Variants in NALCN observed in about 807,000 individuals in gnomAD.
NALCN encodes the protein sodium leak channel NALCN.
In NALCN, 111 loss-of-function variants were observed where a neutral mutation model predicts 225.3. That is an observed-to-expected ratio of 0.49 (90% CI 0.42 to 0.58). The LOEUF (loss-of-function observed/expected upper bound fraction) is 0.58. Ranked by LOEUF, NALCN falls within the 20% of genes least tolerant of loss-of-function variation. The probability of loss-of-function intolerance (pLI) is 0.00; values close to 1 mark genes in which losing one functional copy is unlikely to be tolerated. For synonymous variants in NALCN, 764 were observed against 769.0 expected (o/e 0.99, Z 0.11); for missense variants, 1,378 against 2,202.4 (o/e 0.63, Z 7.49).
intron 3 of NALCN, among the ~76,000 whole-genome samples, chr13:101,386,801 G>A (rs2046999448): frequency 6.6e-6 from 1 of 152,070 alleles, no homozygotes; most frequent in Non-Finnish European, 1.5e-5. Flanking sequence ...CCATAACATT[G>A]CCAAAATTGG....
intron 4 of NALCN, among the ~76,000 whole-genome samples, chr13:101,377,317 C>T (rs543505398): frequency 1.3e-5 from 2 of 152,224 alleles, no homozygotes; most frequent in South Asian, 4.1e-4. Flanking sequence ...TTTTTAGTTA[C>T]AAGAAGTGCC....
chr13:101,226,909 C>A (rs2041165394), intron 13 of NALCN, among the ~76,000 whole-genome samples: 1 of 152,188 alleles, frequency 6.6e-6, no homozygotes, highest in African/African-American at 2.4e-5. Flanking sequence ...TCTCCTATCC[C>A]TTCCTTCCTT....
At chr13:101,313,005 C>G (rs1276783462) in intron 7 of NALCN, among the ~76,000 whole-genome samples, 1 of 152,116 alleles carries the variant, frequency 6.6e-6, no homozygotes, top group Non-Finnish European at 1.5e-5. Flanking sequence ...TGGAACAGAA[C>G]AGAGCCCTCA....
chr13:101,189,990 G>T (rs548970364), intron 14 of NALCN, among the ~76,000 whole-genome samples: 1 of 152,112 alleles, frequency 6.6e-6, no homozygotes, highest in East Asian at 1.9e-4. Context: ...GATTTAGATT[G>T]CCCAAGAAGG....
chr13:101,411,096 T>C (rs148770448), intron 1 of NALCN, among the ~76,000 whole-genome samples: 158 of 152,326 alleles, frequency 1.0e-3, no homozygotes, highest in African/African-American at 3.4e-3. Context: ...TAGATCAATA[T>C]TCCTCCCAGA....
chr13:101,153,946 C>T (rs574013370), intron 15 of NALCN, among the ~76,000 whole-genome samples: 42 of 152,184 alleles, frequency 2.8e-4, no homozygotes, highest in Non-Finnish European at 5.4e-4. Flanking sequence ...TAGGTCTGTG[C>T]CCCCCTCACA....
chr13:101,240,078 C>T (rs2041702157), intron 11 of NALCN, among the ~76,000 whole-genome samples: 3 of 152,130 alleles, frequency 2.0e-5, no homozygotes, highest in East Asian at 3.9e-4. Flanking sequence ...GCTATATATA[C>T]TGCAAACATT....
intron 18 of NALCN, among the ~76,000 whole-genome samples, chr13:101,122,426 T>C (rs2036023730): frequency 6.6e-6 from 1 of 152,200 alleles, no homozygotes; most frequent in Non-Finnish European, 1.5e-5. Flanking sequence ...TAAAATATTA[T>C]TTATTGGCTG....
chr13:101,384,010 C>T lies in NALCN; in HGVS notation c.292-5357G>A, dbSNP rs188926477. On this transcript the variant is annotated intron_variant, in intron 3 of 43. Transcript: ENST00000251127. ...GAAATCTGACACTTTGCAATACAAT[C>T]TTGGATTATGTTTTGTATCTGGCAC... Among the ~76,000 whole-genome samples the T allele has an allele frequency of 4.5e-3, 683 of 152,160 alleles. 5 individuals carry two copies. The highest frequency in any genetic ancestry group is 0.016 in the African/African-American group (649 of 41,530).
chr13:101,147,746 C>T (rs1408804788), intron 15 of NALCN, among the ~76,000 whole-genome samples: 1 of 151,682 alleles, frequency 6.6e-6, no homozygotes, highest in East Asian at 2.0e-4. Context: ...CTTTTTTTGG[C>T]CCCTCCCTGC....
At chr13:101,178,364 G>A (rs1156806034) in intron 14 of NALCN, among the ~76,000 whole-genome samples, 1 of 152,128 alleles carries the variant, frequency 6.6e-6, no homozygotes, top group Admixed American at 6.6e-5. Flanking sequence ...AAAAAAGGGG[G>A]GTCGGAAGGG....
chr13:101,333,249 G>C (rs1335823970), intron 7 of NALCN, among the ~76,000 whole-genome samples: 2 of 152,006 alleles, frequency 1.3e-5, no homozygotes, highest in African/African-American at 4.8e-5. Flanking sequence ...TTGTGGTAGT[G>C]GTTGTTATTT....
At position 101,192,052 on chromosome 13, in the gene NALCN, T is replaced by C; in HGVS notation, c.1629A>G (p.Ala543=). The C allele has an allele frequency of 1.3e-6, 2 of 1,595,088 alleles. No individual in the cohort carries two copies. Among genetic ancestry groups the C allele is most frequent in the South Asian group, 1.1e-5 (1 of 87,200 alleles). ...ELDRFTTFPR[A]FMSMFQILTQ... is the part of the protein sequence containing the mutation. The stretch of plus-strand genomic sequence containing the variant: ...TGAGGATCTGGAACATGGACATAAA[T>C]GCCTAAGAGGAAAAGAACAAAGGTA... Residue 543 remains alanine, a splice_region_variant and synonymous_variant, in exon 14 of 44, where the codon GCA becomes GCG. Coordinates refer to ENST00000251127, the MANE Select transcript of NALCN (RefSeq NM_052867.4).
At chr13:101,236,916 AT>A (rs1353813603) in intron 12 of NALCN, among the ~76,000 whole-genome samples, 2 of 145,302 alleles carry the variant, frequency 1.4e-5, no homozygotes, top group Non-Finnish European at 3.0e-5. Context: ...AAGTATAATA[AT>A]AATAAAATAA....
At chr13:101,207,899 G>C (rs924073435) in intron 13 of NALCN, among the ~76,000 whole-genome samples, 1 of 152,176 alleles carries the variant, frequency 6.6e-6, no homozygotes, top group Non-Finnish European at 1.5e-5. Context: ...GTCTTTATGA[G>C]CTGCAACACT....
intron 7 of NALCN, among the ~76,000 whole-genome samples, chr13:101,337,390 C>G (rs571411744): frequency 6.6e-6 from 1 of 151,846 alleles, no homozygotes; most frequent in African/African-American, 2.4e-5. Context: ...CTTACTGTAA[C>G]CTCTGCCTCC....
intron 30 of NALCN, among the ~76,000 whole-genome samples, chr13:101,084,940 C>A (rs1254617319): frequency 6.6e-6 from 1 of 152,146 alleles, no homozygotes; most frequent in Non-Finnish European, 1.5e-5. Flanking sequence ...ACAGGTGTTA[C>A]CATATCCTAA....
At chr13:101,238,298 A>G (rs1289304015) in intron 11 of NALCN, among the ~76,000 whole-genome samples, 1 of 151,904 alleles carries the variant, frequency 6.6e-6, no homozygotes, top group East Asian at 1.9e-4. Flanking sequence ...TACATGGCAT[A>G]TTATAAAATA....
intron 6 of NALCN, among the ~76,000 whole-genome samples, chr13:101,353,048 C>T (rs535773031): frequency 6.6e-6 from 1 of 152,272 alleles, no homozygotes; most frequent in South Asian, 2.1e-4. Flanking sequence ...TTGATTGCAT[C>T]TGTAAGGCTT....
Sources: gnomAD v4.1 joint callset for allele counts (sites outside exome capture counted in the v4.1 genomes callset) on GRCh38, gnomAD v4.1.1 for gene constraint, MANE v1.5 for transcripts, NCBI Gene and HGNC (gene_info 2026-07-23, HGNC 2026-07-21) for gene names.